LAMA4: variants seen among roughly 807,000 people sequenced by gnomAD.
LAMA4 encodes laminin subunit alpha-4.
LAMA4 carries 127 observed loss-of-function variants against 207.1 expected under a neutral mutation model. The observed-to-expected ratio is 0.61, with a 90% CI of 0.53 to 0.71. LAMA4 has a LOEUF of 0.71. Ranked by LOEUF, LAMA4 falls within the 30% of genes least tolerant of loss-of-function variation. The pLI is 0.00. For synonymous variants in LAMA4, 761 were observed against 816.0 expected, an observed-to-expected ratio of 0.93 and a Z score of 1.15; for missense variants, 2,093 against 2,246.5, an observed-to-expected ratio of 0.93 and a Z score of 1.38.
At position 112,140,041 on chromosome 6, in the gene LAMA4, T is replaced by C. The variant is rs149136065; in HGVS notation, c.2977-156A>G. 3.1e-3 allele frequency among the ~76,000 whole-genome samples: 478 copies of C among 152,320 alleles called. 2 individuals carry two copies. The highest frequency in any genetic ancestry group is 0.011 in the African/African-American group (455 of 41,564). On this transcript the variant is annotated intron_variant, in intron 22 of 38. Transcript: ENST00000230538. ...GTGTGTTTATGCCAAATCATTTAGATATGGCGTAACTTGTCAGTTGTGCAA... is the reference window on the plus strand; with the variant it reads ...GTGTGTTTATGCCAAATCATTTAGACATGGCGTAACTTGTCAGTTGTGCAA...
chr6:112,143,122 A>G (rs181419093), intron 19 of LAMA4, among the ~76,000 whole-genome samples: 3 of 152,262 alleles, frequency 2.0e-5, no homozygotes, highest in Non-Finnish European at 2.9e-5. Context: ...TGGATTGTGT[A>G]TACTTATGTC....
chr6:112,165,427 G>C (rs1181287412), intron 12 of LAMA4, 151 bp from the exon 13 acceptor site: 2 of 699,562 alleles, frequency 2.9e-6, no homozygotes, highest in African/African-American at 3.5e-5. Context: ...TTTGGGGAAT[G>C]CTACCTGTTT....
At chr6:112,190,450 A>G (rs1782950798) in intron 6 of LAMA4, among the ~76,000 whole-genome samples, 1 of 152,216 alleles carries the variant, frequency 6.6e-6, no homozygotes, top group African/African-American at 2.4e-5. Context: ...AATCTTTTCA[A>G]GTGGAAATCT....
chr6:112,202,974 G>C (rs1423791175), intron 4 of LAMA4, among the ~76,000 whole-genome samples: 1 of 152,128 alleles, frequency 6.6e-6, no homozygotes, highest in Non-Finnish European at 1.5e-5. Flanking sequence ...GATTTCCATA[G>C]CTACTGGTAG....
intron 11 of LAMA4, 86 bp downstream of exon 11, chr6:112,175,227 T>A: frequency 1.5e-6 from 2 of 1,295,494 alleles, no homozygotes; most frequent in South Asian, 2.4e-5. Flanking sequence ...GCTTTGATTA[T>A]ATGTTGCCCT....
At chr6:112,193,898 T>C (rs1783264163) in intron 5 of LAMA4, among the ~76,000 whole-genome samples, 1 of 152,056 alleles carries the variant, frequency 6.6e-6, no homozygotes, top group African/African-American at 2.4e-5. Flanking sequence ...GGAGACAGGA[T>C]GAAGAAAAAC....
intron 12 of LAMA4, 35 bp from the exon 13 acceptor site, chr6:112,165,311 A>G (rs781794313): frequency 7.4e-7 from 1 of 1,360,462 alleles, no homozygotes; most frequent in East Asian, 2.3e-5. Context: ...AGTGAAGTGA[A>G]TATGTCTTTA....
rs1336139246 is a variant in LAMA4 at position 112,109,083 on chromosome 6, A to G, written c.*354T>C. The G allele has an allele frequency of 3.5e-6, 1 of 281,804 alleles. No homozygotes were observed. The highest frequency in any genetic ancestry group is 6.9e-6 in the Non-Finnish European group (1 of 145,574). 17.5% of individuals were successfully genotyped at this position (281,804 alleles called of 1,614,324 possible). A position where few individuals can be genotyped will look rare whatever the true frequency, so the allele number is the denominator to read the frequency against. On this transcript the variant is annotated 3_prime_UTR_variant, in exon 39 of 39. Coordinates refer to ENST00000230538, the MANE Select transcript of LAMA4 (RefSeq NM_001105206.3). ...TTGAAAGTTATCTTCCCTGGAAGAA[A>G]GGTGAATCTGAGAATCTAGCCGCAC...
intron 18 of LAMA4, 39 bp from the exon 19 acceptor site, chr6:112,144,972 C>G: frequency 3.3e-6 from 5 of 1,524,238 alleles, no homozygotes; most frequent in Non-Finnish European, 4.5e-6. Context: ...GAAAATAACT[C>G]AATATTATAT....
rs1554330844 is a variant in LAMA4 at position 112,134,490 on chromosome 6, A to G, written c.3534T>C (p.Ala1178=). ...IPFTDIYIGG[A]PPEILQSRAL... The stretch of plus-strand genomic sequence containing the variant: ...ACCTGGATTGTAAGATTTCTGGAGG[A>G]GCTCCTCCAATGTATATATCTGTAA... Residue 1178 remains alanine, a synonymous_variant, in exon 26 of 39, where the codon GCT becomes GCC. Transcript: ENST00000230538. The G allele has an allele frequency of 1.9e-6, 3 of 1,613,536 alleles. No homozygotes were observed. The South Asian group carries it at 3.3e-5, about 18-fold the overall frequency.
chr6:112,166,590 A>C (rs1781395109), intron 12 of LAMA4: 1 of 153,790 alleles, frequency 6.5e-6, no homozygotes, highest in Non-Finnish European at 1.5e-5. Flanking sequence ...TAACACCCTG[A>C]AGTCAGAGAC....
intron 31 of LAMA4, among the ~76,000 whole-genome samples, chr6:112,128,455 G>A (rs1778831550): frequency 6.6e-6 from 1 of 152,108 alleles, no homozygotes; most frequent in African/African-American, 2.4e-5. Context: ...ATAGGCTGAG[G>A]TTGGTTAATG....
At chr6:112,252,693 A>G (rs1787543012) in intron 2 of LAMA4, among the ~76,000 whole-genome samples, 1 of 152,208 alleles carries the variant, frequency 6.6e-6, no homozygotes, top group Middle Eastern at 3.2e-3. Context: ...TACGTGCTCA[A>G]AGCAACAGGT....
chr6:112,178,338 TC>T (rs1782144920), intron 9 of LAMA4, 106 bp from the exon 10 acceptor site: 1 of 790,144 alleles, frequency 1.3e-6, no homozygotes, highest in Non-Finnish European at 2.2e-6. Context: ...ACGTAAATCT[TC>T]CTGGCATGTG....
At chr6:112,245,168 C>T (rs1786818458) in intron 2 of LAMA4, among the ~76,000 whole-genome samples, 1 of 152,160 alleles carries the variant, frequency 6.6e-6, no homozygotes, top group Non-Finnish European at 1.5e-5. Flanking sequence ...CAAATTGTAT[C>T]ACTGTTCATC....
intron 9 of LAMA4, 63 bp from the exon 10 acceptor site, chr6:112,178,295 G>T: frequency 8.6e-7 from 1 of 1,159,740 alleles, no homozygotes; most frequent in Non-Finnish European, 1.3e-6. Flanking sequence ...TATAAGCACA[G>T]ATAGGGGTGG....
At chr6:112,144,439 G>A (rs1554333991) in intron 19 of LAMA4, among the ~76,000 whole-genome samples, 1 of 152,164 alleles carries the variant, frequency 6.6e-6, no homozygotes, top group African/African-American at 2.4e-5. Context: ...ATATAAGAAC[G>A]AATTGAGGCT....
chr6:112,184,711 T>C (rs1255446353), intron 9 of LAMA4, among the ~76,000 whole-genome samples: 1 of 152,192 alleles, frequency 6.6e-6, no homozygotes, highest in African/African-American at 2.4e-5. Context: ...GGATTTGAGA[T>C]TTATACTCAA....
intron 31 of LAMA4, among the ~76,000 whole-genome samples, chr6:112,125,043 C>A (rs1778607348): frequency 6.6e-6 from 1 of 152,142 alleles, no homozygotes; most frequent in Non-Finnish European, 1.5e-5. Flanking sequence ...GCGTGAGCCA[C>A]CGCACCTGGC....
Sources: gnomAD v4.1 joint callset for allele counts (sites outside exome capture counted in the v4.1 genomes callset) on GRCh38, gnomAD v4.1.1 for gene constraint, MANE v1.5 for transcripts, NCBI Gene and HGNC (gene_info 2026-07-23, HGNC 2026-07-21) for gene names.